Variants in MSR1 observed in about 807,000 individuals in gnomAD.
MSR1 encodes macrophage scavenger receptor types I and II.
MSR1 carries 53 observed loss-of-function variants against 47.2 expected under a neutral mutation model. The observed-to-expected ratio is 1.12, with a 90% CI of 0.90 to 1.41. The LOEUF (loss-of-function observed/expected upper bound fraction) is 1.41, where lower values mean the gene tolerates loss of function less well. Ranked by LOEUF, MSR1 falls within the 40% of genes most tolerant of loss-of-function variation. The pLI is 0.00. For missense variants in MSR1, 786 were observed against 546.9 expected (o/e 1.44, Z -4.36); for synonymous variants, 239 against 185.6 (o/e 1.29, Z -2.34).
At chr8:16,177,826 T>C in intron 2 of MSR1, 60 bp downstream of exon 2, 2 of 1,362,518 alleles carry the variant, frequency 1.5e-6, no homozygotes, top group Non-Finnish European at 1.0e-6. Context: ...ACTATAATTT[T>C]ATATTTTGTC....
chr8:16,191,580 G>A (rs1802201004), intron 1 of MSR1, among the ~76,000 whole-genome samples: 1 of 150,846 alleles, frequency 6.6e-6, no homozygotes, highest in Non-Finnish European at 1.5e-5. Flanking sequence ...TGAGGTACAA[G>A]TAGTATTTTC....
chr8:16,117,592 A>G (rs1430999585), intron 9 of MSR1, among the ~76,000 whole-genome samples: 1 of 152,142 alleles, frequency 6.6e-6, no homozygotes, highest in Non-Finnish European at 1.5e-5. Flanking sequence ...ATTCTGGATT[A>G]AACTTTCGAA....
In MSR1 at chr8:16,142,123, G is replaced by T. The variant is rs938784216; in HGVS notation, c.1033+1435C>A. On this transcript the variant is annotated intron_variant, in intron 8 of 9. Coordinates refer to ENST00000262101, the MANE Select transcript of MSR1 (RefSeq NM_138715.3). ...AGGTGGGCAGATCATGAGGTCAGGG[G>T]ATCGAGACCAGCCTGGTCAAAATGG... Among the ~76,000 whole-genome samples, 7 of 152,082 alleles carry T rather than the reference G, an allele frequency of 4.6e-5. No homozygotes were observed. The South Asian group carries it at 6.2e-4, about 14-fold the overall frequency.
intron 8 of MSR1, among the ~76,000 whole-genome samples, chr8:16,134,849 T>G (rs1800351956): frequency 6.6e-6 from 1 of 152,170 alleles, no homozygotes; most frequent in African/African-American, 2.4e-5. Flanking sequence ...ATATAAAGTT[T>G]TAGTTAGTGG....
chr8:16,138,540 A>C (rs1257680318), intron 8 of MSR1, among the ~76,000 whole-genome samples: 1 of 152,160 alleles, frequency 6.6e-6, no homozygotes, highest in African/African-American at 2.4e-5. Context: ...AGTTTTTCAC[A>C]CTGAAAAATC....
intron 1 of MSR1, among the ~76,000 whole-genome samples, chr8:16,186,876 A>T (rs1316131794): frequency 6.6e-6 from 1 of 151,684 alleles, no homozygotes; most frequent in Non-Finnish European, 1.5e-5. Flanking sequence ...CAGCCTCCCA[A>T]ATTTTTGGCA....
intron 7 of MSR1, among the ~76,000 whole-genome samples, chr8:16,147,069 C>T (rs537938990): frequency 1.3e-5 from 2 of 152,104 alleles, no homozygotes; most frequent in Admixed American, 6.6e-5. Flanking sequence ...GACAGAAGTA[C>T]GTTATTTGCA....
intron 3 of MSR1, 100 bp from the exon 4 acceptor site, chr8:16,168,970 C>T (rs1000934444): frequency 3.3e-6 from 4 of 1,226,462 alleles, no homozygotes; most frequent in Non-Finnish European, 4.7e-6. Context: ...TATTCCATTC[C>T]ATTCCAACAT....
intron 9 of MSR1, 71 bp from the exon 10 acceptor site, chr8:16,110,289 A>T: frequency 6.5e-7 from 1 of 1,541,554 alleles, no homozygotes; most frequent in Non-Finnish European, 8.9e-7. Flanking sequence ...GGGCAAAGCC[A>T]TTAATTCCTT....
At chr8:16,120,960 G>A in intron 8 of MSR1, 1 of 319,956 alleles carries the variant, frequency 3.1e-6, no homozygotes, top group Non-Finnish European at 5.9e-6. Flanking sequence ...ATAACTAAAT[G>A]GTTCATTATT....
At chr8:16,143,428 G>C in intron 8 of MSR1, 130 bp downstream of exon 8, 1 of 667,672 alleles carries the variant, frequency 1.5e-6, no homozygotes, top group East Asian at 2.7e-5. Context: ...AGAAAATTAT[G>C]TTTGGCTTCC....
At chr8:16,140,635 C>T in intron 8 of MSR1, 1 of 1,159,042 alleles carries the variant, frequency 8.6e-7, no homozygotes, top group East Asian at 4.8e-5. Flanking sequence ...CACAGCAGTT[C>T]TCCTAGAACC....
chr8:16,188,110 T>A (rs1802056060), intron 1 of MSR1, among the ~76,000 whole-genome samples: 1 of 152,120 alleles, frequency 6.6e-6, no homozygotes, highest in Non-Finnish European at 1.5e-5. Context: ...TCCTTGGAGT[T>A]TGTGTAATCT....
At chr8:16,159,952 G>C (rs966335815) in intron 5 of MSR1, among the ~76,000 whole-genome samples, 4 of 151,992 alleles carry the variant, frequency 2.6e-5, no homozygotes. Context: ...GAGGCAGGAT[G>C]CACAAAGTAC....
chr8:16,112,656 C>A (rs1799783918), intron 9 of MSR1, among the ~76,000 whole-genome samples: 1 of 151,882 alleles, frequency 6.6e-6, no homozygotes, highest in Non-Finnish European at 1.5e-5. Context: ...AGATAAAAAA[C>A]AAATTTGTTT....
In MSR1 at chr8:16,120,616, TAAAAAAAAAAAAA is replaced by T; in HGVS notation, c.1034-23_1034-11del. ...ACTTTCGTAAATGGAGCTGTAAAGT[TAAAAAAAAAAAAA>T]AAAAAAAAAAAAGGCAAGCAAGGAC... On this transcript the variant is annotated splice_polypyrimidine_tract_variant and intron_variant, in intron 8 of 9. Transcript: ENST00000262101. The T allele has an allele frequency of 5.0e-6, 6 of 1,195,924 alleles. No individual in the cohort carries two copies. The highest frequency in any genetic ancestry group is 2.6e-5 in the African/African-American group (1 of 38,152). 74.1% of individuals were successfully genotyped at this position (1,195,924 alleles called of 1,614,324 possible). A position where few individuals can be genotyped will look rare whatever the true frequency, so the allele number is the denominator to read the frequency against.
chr8:16,139,548 T>C, intron 8 of MSR1: 2 of 983,772 alleles, frequency 2.0e-6, no homozygotes, highest in South Asian at 9.4e-5. Flanking sequence ...GTTGTGAAAA[T>C]GTAGTCTGTT....
At chr8:16,140,406 T>C (rs980048437) in intron 8 of MSR1, 11 of 985,384 alleles carry the variant, frequency 1.1e-5, no homozygotes, top group African/African-American at 1.7e-5. Context: ...GAAAAACAAA[T>C]GGATTTTTCC....
chr8:16,166,692 T>C (rs1801321443), intron 4 of MSR1, among the ~76,000 whole-genome samples: 1 of 152,272 alleles, frequency 6.6e-6, no homozygotes, highest in South Asian at 2.1e-4. Context: ...TGATGATAAA[T>C]GCCACCCCTG....
Sources: gnomAD v4.1 joint callset for allele counts (sites outside exome capture counted in the v4.1 genomes callset) on GRCh38, gnomAD v4.1.1 for gene constraint, MANE v1.5 for transcripts, NCBI Gene and HGNC (gene_info 2026-07-23, HGNC 2026-07-21) for gene names.